Variants in MYLK2 observed in about 807,000 individuals in gnomAD.
MYLK2 encodes myosin light chain kinase 2, skeletal/cardiac muscle.
MYLK2 carries 27 observed loss-of-function variants against 58.2 expected under a neutral mutation model. The ratio of observed to expected loss-of-function variants is 0.46; its 90% CI spans 0.34 to 0.64. The LOEUF (loss-of-function observed/expected upper bound fraction) is 0.64, where lower values mean the gene tolerates loss of function less well. Ranked by LOEUF, MYLK2 falls within the 30% of genes least tolerant of loss-of-function variation. The pLI is 0.01. For missense variants in MYLK2, 676 were observed against 764.3 expected, an observed-to-expected ratio of 0.88 and a Z score of 1.36; for synonymous variants, 310 against 296.7, an observed-to-expected ratio of 1.04 and a Z score of -0.46.
chr20:31,828,448 A>G (rs1568632925), intron 8 of MYLK2: 4 of 985,352 alleles, frequency 4.1e-6, no homozygotes, highest in Non-Finnish European at 4.8e-6. Context: ...TCCTTAATTC[A>G]TTCGATAAGC....
chr20:31,822,281 G>C (rs565548175), intron 4 of MYLK2, among the ~76,000 whole-genome samples: 2 of 151,966 alleles, frequency 1.3e-5, no homozygotes, highest in Non-Finnish European at 2.9e-5. Flanking sequence ...CAGATTATTG[G>C]AGCAACACAA....
chr20:31,826,467 G>A (rs1041059799), intron 6 of MYLK2, 138 bp from the exon 7 acceptor site: 5 of 1,148,444 alleles, frequency 4.4e-6, no homozygotes, highest in African/African-American at 1.5e-5. Context: ...TGGGGGTGGG[G>A]GAGAGAGGAG....
Position 31,826,619 on chromosome 20 carries a change from G to A in MYLK2, c.987G>A (p.Leu329=), listed in dbSNP as rs200155693. ...CTGGTCCCCAGGAAATGGTGTTGCT[G>A]GAGATTGAGGTCATGAACCAGCTGA... ...QTPKDKEMVL[L]EIEVMNQLNH... is the part of the protein sequence containing the mutation. The change falls in exon 7 of 13, where the codon CTG becomes CTA. Residue 329 remains leucine, a synonymous_variant. Transcript: ENST00000375985. 220 of 1,614,088 alleles carry A rather than the reference G, an allele frequency of 1.4e-4. No individual in the cohort carries two copies. The highest frequency in any genetic ancestry group is 1.7e-4 in the Non-Finnish European group (206 of 1,180,006).
intron 3 of MYLK2, 121 bp from the exon 4 acceptor site, chr20:31,821,318 G>T: frequency 9.1e-7 from 1 of 1,096,494 alleles, no homozygotes; most frequent in Non-Finnish European, 1.4e-6. Context: ...AGGTGAATTT[G>T]GCTGTATTAC....
intron 8 of MYLK2, chr20:31,828,107 T>G: frequency 1.2e-6 from 1 of 855,286 alleles, no homozygotes; most frequent in South Asian, 5.4e-5. Context: ...AGGCTGGTCT[T>G]GAACTCCTGA....
chr20:31,825,981 G>A (rs1214317185), intron 6 of MYLK2, among the ~76,000 whole-genome samples: 1 of 152,200 alleles, frequency 6.6e-6, no homozygotes, highest in Admixed American at 6.5e-5. Context: ...CTTGAAGGTA[G>A]ATGATGCTGA....
chr20:31,827,408 C>T, intron 8 of MYLK2: 1 of 985,368 alleles, frequency 1.0e-6, no homozygotes, highest in African/African-American at 1.7e-5. Flanking sequence ...TGTGGTGAAC[C>T]AAACAGATAA....
chr20:31,833,726 A>G lies in MYLK2; in HGVS notation c.1720A>G (p.Ile574Val). The part of the protein sequence containing the change: ...LMKRRWKKNF[I>V]AVSAANRFKK... ...CTCTTCTGCCCTCTAGAAAAACTTC[A>G]TTGCTGTCAGCGCTGCCAACCGCTT... is the stretch of plus-strand genomic sequence containing the variant. The change falls in exon 13 of 13, where the codon ATT becomes GTT. Residue 574 changes from isoleucine to valine, a missense_variant. This residue lies in a region of MYLK2 where 370 missense variants were observed against 467.8 expected (regional missense o/e 0.79). Transcript: ENST00000375985. The G allele has an allele frequency of 6.2e-7, 1 of 1,613,928 alleles. No homozygotes were observed. The highest frequency in any genetic ancestry group is 8.5e-7 in the Non-Finnish European group (1 of 1,179,950).
chr20:31,826,506 G>C, intron 6 of MYLK2, 99 bp from the exon 7 acceptor site: 1 of 1,528,592 alleles, frequency 6.5e-7, no homozygotes, highest in African/African-American at 1.4e-5. Context: ...GCAGTGATCT[G>C]GGCAAGGCTA....
At position 31,820,153 on chromosome 20, in the gene MYLK2, A is replaced by C. The variant is rs868012092; in HGVS notation, c.80A>C (p.Glu27Ala). Residue 27 changes from glutamate to alanine, a missense_variant, in exon 3 of 13, where the codon GAA becomes GCA. Glu to Ala is a moderately radical substitution (Grantham distance 107). Transcript: ENST00000375985. ...AAGGCACCTAAAGGTCCCACAGGTG[A>C]AAGACCCCTGGCTGCAGGGAAAGAC... ...TDKAPKGPTG[E>A]RPLAAGKDPG... 6.2e-7 allele frequency: 1 copy of C among 1,613,908 alleles called. No individual in the cohort carries two copies. The highest frequency in any genetic ancestry group is 8.5e-7 in the Non-Finnish European group (1 of 1,179,994).
chr20:31,820,235 C>T lies in MYLK2; in HGVS notation c.162C>T (p.Ala54=). ...APDPPTLKKD[A]KAPASEKGDG... Reference sequence around the variant, plus strand: ...ATCCACCCACCCTGAAGAAAGATGCCAAAGCCCCTGCCTCAGAGAAAGGGG... The same window carrying T: ...ATCCACCCACCCTGAAGAAAGATGCTAAAGCCCCTGCCTCAGAGAAAGGGG... Residue 54 remains alanine, a synonymous_variant, in exon 3 of 13, where the codon GCC becomes GCT. Transcript: ENST00000375985. The T allele has an allele frequency of 6.2e-7, 1 of 1,614,048 alleles. No homozygotes were observed. The highest frequency in any genetic ancestry group is 8.5e-7 in the Non-Finnish European group (1 of 1,180,026).
intron 10 of MYLK2, 117 bp from the exon 11 acceptor site, chr20:31,831,586 G>T (rs2062306600): frequency 8.3e-6 from 10 of 1,205,194 alleles, no homozygotes; most frequent in Non-Finnish European, 1.2e-5. Context: ...GAGAGGCTGG[G>T]GGTCTTTTCA....
rs55807353 is a variant in MYLK2 at position 31,832,010 on chromosome 20, G to A, written c.1584G>A (p.Arg528=). 1.2e-3 allele frequency: 1,856 copies of A among 1,609,828 alleles called. 4 individuals are homozygous for A. Among genetic ancestry groups the A allele is most frequent in the Middle Eastern group, 3.0e-3 (18 of 6,058 alleles). The part of the protein sequence containing the change: ...SNLIVKDQRA[R]MNAAQCLAHP... Reference sequence around the variant, plus strand: ...CATGCTGCCTCTCCCCCAGGGCCCGGATGAACGCTGCCCAGTGTCTCGCCC... The same window carrying A: ...CATGCTGCCTCTCCCCCAGGGCCCGAATGAACGCTGCCCAGTGTCTCGCCC... Residue 528 remains arginine, a synonymous_variant, in exon 12 of 13, where the codon CGG becomes CGA. Coordinates refer to ENST00000375985, the MANE Select transcript of MYLK2 (RefSeq NM_033118.4).
Position 31,820,149 on chromosome 20 carries a change from G to T in MYLK2, c.76G>T (p.Gly26Cys), listed in dbSNP as rs374620801. The T allele has an allele frequency of 6.2e-7, 1 of 1,613,798 alleles. No homozygotes were observed. The highest frequency in any genetic ancestry group is 1.3e-5 in the African/African-American group (1 of 74,928). ...AGACAAGGCACCTAAAGGTCCCACA[G>T]GTGAAAGACCCCTGGCTGCAGGGAA... ...STDKAPKGPT[G>C]ERPLAAGKDP... The change falls in exon 3 of 13, where the codon GGT becomes TGT. Residue 26 changes from glycine to cysteine, a missense_variant. Gly to Cys is a radical substitution (Grantham distance 159, BLOSUM62 -3). This residue lies in a region of MYLK2 where 306 missense variants were observed against 296.5 expected (regional missense o/e 1.03). Transcript: ENST00000375985.
At chr20:31,819,714 G>A in intron 2 of MYLK2, 82 bp downstream of exon 2, 1 of 1,479,236 alleles carries the variant, frequency 6.8e-7, no homozygotes, top group Non-Finnish European at 9.2e-7. Context: ...TCCTCAGTGG[G>A]AGTTCTGTGC....
At chr20:31,829,406 C>T (rs1438153897) in intron 8 of MYLK2, among the ~76,000 whole-genome samples, 4 of 152,152 alleles carry the variant, frequency 2.6e-5, no homozygotes, top group Non-Finnish European at 5.9e-5. Context: ...TGCTTCATTT[C>T]CCCAAATGCT....
chr20:31,830,460 G>T (rs1420622710), intron 8 of MYLK2, among the ~76,000 whole-genome samples: 2 of 152,046 alleles, frequency 1.3e-5, no homozygotes, highest in Non-Finnish European at 2.9e-5. Flanking sequence ...TCCTGCACTG[G>T]CCCCCCAGCC....
chr20:31,824,095 G>T (rs929323896), intron 5 of MYLK2, 164 bp from the exon 6 acceptor site: 1 of 985,456 alleles, frequency 1.0e-6, no homozygotes, highest in South Asian at 4.7e-5. Context: ...ACAGCTCACA[G>T]CTTCAGGAGG....
rs773370939 is a variant in MYLK2, at chr20:31,833,857, A to G, written c.*60A>G. On this transcript the variant is annotated 3_prime_UTR_variant, in exon 13 of 13. Coordinates refer to ENST00000375985, the MANE Select transcript of MYLK2 (RefSeq NM_033118.4). ...ACAGTGGCCGGGGCTGAAGCCACACAGCCCAGAAGGCCAGAAAAGGCAGCC... is the reference window on the plus strand; with the variant it reads ...ACAGTGGCCGGGGCTGAAGCCACACGGCCCAGAAGGCCAGAAAAGGCAGCC... 2.2e-5 allele frequency: 33 copies of G among 1,514,144 alleles called. No homozygotes were observed. Among genetic ancestry groups the G allele is most frequent in the Middle Eastern group, 3.9e-4 (2 of 5,114 alleles). The allele number at this position is 1,514,144 out of a possible 1,614,324, so 93.8% of individuals were successfully genotyped here. A position where few individuals can be genotyped will look rare whatever the true frequency, so the allele number is the denominator to read the frequency against.
Sources: allele counts gnomAD v4.1 joint callset (sites outside exome capture counted in the v4.1 genomes callset), GRCh38; gene constraint gnomAD v4.1.1; regional missense constraint gnomAD v4.1.1; transcripts MANE v1.5; gene names NCBI Gene and HGNC (gene_info 2026-07-23, HGNC 2026-07-21).